DPYD: variants seen among roughly 807,000 people sequenced by gnomAD.
DPYD encodes the protein dihydropyrimidine dehydrogenase [NADP(+)].
DPYD carries 109 observed loss-of-function variants against 116.2 expected under a neutral mutation model. The ratio of observed to expected loss-of-function variants is 0.94; its 90% confidence interval spans 0.80 to 1.10. The LOEUF is 1.10. Among genes scored for constraint, DPYD ranks in the 50% least tolerant of loss-of-function variants. DPYD has a pLI of 0.00. For missense variants in DPYD, 1,302 were observed against 1,254.5 expected (o/e 1.04, Z -0.57); for synonymous variants, 440 against 432.0 (o/e 1.02, Z -0.23).
rs374578322 is a variant in DPYD at position 97,685,958 on chromosome 1, C to T, written c.762+5759G>A. 2.0e-5 allele frequency among the ~76,000 whole-genome samples: 3 copies of T among 152,220 alleles called. No individual in the cohort carries two copies. In the East Asian group the frequency reaches 5.8e-4, roughly 29 times the overall value. Reference sequence around the variant, plus strand: ...TCCCATTAAACTACCATTGACATTCCTCACAGAGTTAGAAAAAACTACTTT... The same window carrying T: ...TCCCATTAAACTACCATTGACATTCTTCACAGAGTTAGAAAAAACTACTTT... On this transcript the variant is annotated intron_variant, in intron 7 of 22. Coordinates refer to ENST00000370192, the MANE Select transcript of DPYD (RefSeq NM_000110.4).
chr1:97,462,512 A>G (rs1677085052), intron 13 of DPYD, among the ~76,000 whole-genome samples: 1 of 152,128 alleles, frequency 6.6e-6, no homozygotes, highest in African/African-American at 2.4e-5. Context: ...TCAGACCATG[A>G]TGGGAAGGTG....
intron 18 of DPYD, among the ~76,000 whole-genome samples, chr1:97,260,916 C>T (rs1323364342): frequency 1.3e-5 from 2 of 152,026 alleles, no homozygotes; most frequent in Non-Finnish European, 2.9e-5. Context: ...AGGCAGTAAG[C>T]ATTTTAAGTA....
intron 11 of DPYD, among the ~76,000 whole-genome samples, chr1:97,562,838 C>G (rs138537486): frequency 1.3e-5 from 2 of 151,818 alleles, no homozygotes; most frequent in African/African-American, 4.8e-5. Flanking sequence ...CCTGCCTCAG[C>G]CCCCCCGAGT....
intron 15 of DPYD, among the ~76,000 whole-genome samples, chr1:97,376,669 G>T (rs965504595): frequency 4.6e-5 from 7 of 152,056 alleles, no homozygotes; most frequent in African/African-American, 1.7e-4. Flanking sequence ...TAAATTAACT[G>T]AAATTGGGCA....
At chr1:97,495,723 CAA>C (rs1269959710) in intron 13 of DPYD, among the ~76,000 whole-genome samples, 1 of 151,946 alleles carries the variant, frequency 6.6e-6, no homozygotes, top group Non-Finnish European at 1.5e-5. Flanking sequence ...TAGCAATACT[CAA>C]GTTATTTATA....
intron 8 of DPYD, among the ~76,000 whole-genome samples, chr1:97,672,960 G>A (rs1052412449): frequency 6.6e-6 from 1 of 152,116 alleles, no homozygotes; most frequent in African/African-American, 2.4e-5. Context: ...TGATAACAAT[G>A]AGAAAAATGA....
At chr1:97,811,761 G>A (rs1668360049) in intron 3 of DPYD, among the ~76,000 whole-genome samples, 1 of 152,020 alleles carries the variant, frequency 6.6e-6, no homozygotes, top group Admixed American at 6.6e-5. Context: ...CAAATTGTAG[G>A]CTGAAATTCA....
intron 14 of DPYD, among the ~76,000 whole-genome samples, chr1:97,423,093 G>A (rs139057984): frequency 6.6e-6 from 1 of 151,988 alleles, no homozygotes; most frequent in East Asian, 1.9e-4. Flanking sequence ...ACTGAGCAGG[G>A]AATGGAGTGA....
At chr1:97,297,069 T>C (rs1479448983) in intron 18 of DPYD, among the ~76,000 whole-genome samples, 1 of 152,166 alleles carries the variant, frequency 6.6e-6, no homozygotes, top group Non-Finnish European at 1.5e-5. Flanking sequence ...GTTTATAACG[T>C]TTTAATTGTA....
In DPYD at chr1:97,309,398, C is replaced by T. The variant is rs1405194916; in HGVS notation, c.2059-3101G>A. On this transcript the variant is annotated intron_variant, in intron 16 of 22. Coordinates refer to ENST00000370192, the MANE Select transcript of DPYD (RefSeq NM_000110.4). ...TCTTCAATACCTGTTAACCCTTTTG[C>T]TATTCAATGTGATCACCAAAGAAAG... is the stretch of plus-strand genomic sequence containing the variant. 3.3e-5 allele frequency among the ~76,000 whole-genome samples: 5 copies of T among 150,576 alleles called. No individual in the cohort carries two copies. In the East Asian group the frequency reaches 5.9e-4, roughly 18 times the overall value.
chr1:97,326,721 A>T (rs1405090518), intron 16 of DPYD, among the ~76,000 whole-genome samples: 2 of 152,054 alleles, frequency 1.3e-5, no homozygotes, highest in African/African-American at 4.8e-5. Context: ...GAATGTAGTT[A>T]TAGACACCTA....
At chr1:97,754,762 T>C (rs577535278) in intron 3 of DPYD, among the ~76,000 whole-genome samples, 3 of 152,320 alleles carry the variant, frequency 2.0e-5, no homozygotes, top group African/African-American at 7.2e-5. Context: ...TCAGATTATG[T>C]ACAGGTGGGG....
chr1:97,820,806 T>C (rs560093703), intron 3 of DPYD, among the ~76,000 whole-genome samples: 5 of 152,370 alleles, frequency 3.3e-5, no homozygotes, highest in Non-Finnish European at 5.9e-5. Context: ...AATGGCAATG[T>C]TGGCACTCCA....
At chr1:97,482,635 T>A (rs1014859026) in intron 13 of DPYD, among the ~76,000 whole-genome samples, 31 of 152,168 alleles carry the variant, frequency 2.0e-4, no homozygotes, top group African/African-American at 6.3e-4. Flanking sequence ...ATATTGGGAA[T>A]CAAAGACAGC....
chr1:97,464,998 C>T (rs1677235951), intron 13 of DPYD, among the ~76,000 whole-genome samples: 1 of 152,190 alleles, frequency 6.6e-6, no homozygotes, highest in South Asian at 2.1e-4. Context: ...GAGGGCTATA[C>T]CCTGCAAAGC....
intron 8 of DPYD, among the ~76,000 whole-genome samples, chr1:97,605,916 A>G (rs575256647): frequency 1.3e-5 from 2 of 152,204 alleles, no homozygotes; most frequent in Non-Finnish European, 2.9e-5. Context: ...ATAAAACACC[A>G]TAAAAACAAC....
intron 3 of DPYD, among the ~76,000 whole-genome samples, chr1:97,826,727 T>C (rs528988835): frequency 6.6e-6 from 1 of 152,158 alleles, no homozygotes; most frequent in African/African-American, 2.4e-5. Flanking sequence ...TTACAACTTA[T>C]TTTTAATTTG....
At chr1:97,145,155 ATTAAT>A (rs924598453) in intron 20 of DPYD, among the ~76,000 whole-genome samples, 4 of 152,226 alleles carry the variant, frequency 2.6e-5, no homozygotes, top group Admixed American at 6.5e-5. Flanking sequence ...TTCGGTTGTC[ATTAAT>A]TTAACAGGGA....
chr1:97,505,254 C>A (rs1015506159), intron 13 of DPYD, among the ~76,000 whole-genome samples: 1 of 151,912 alleles, frequency 6.6e-6, no homozygotes, highest in Non-Finnish European at 1.5e-5. Context: ...AACCTCTTAA[C>A]AACAGGTTCC....
Sources: gnomAD v4.1 joint callset for allele counts (sites outside exome capture counted in the v4.1 genomes callset) on GRCh38, gnomAD v4.1.1 for gene constraint, MANE v1.5 for transcripts, NCBI Gene and HGNC (gene_info 2026-07-23, HGNC 2026-07-21) for gene names.